The following ZBTB44 variants were observed in gnomAD, a reference collection of about 807,000 sequenced individuals.
The protein encoded by ZBTB44 is zinc finger and BTB domain containing 44.
Under a neutral mutation model 54.0 loss-of-function variants are expected in ZBTB44, and 15 were observed. The observed-to-expected ratio is 0.28, with a 90% CI of 0.19 to 0.43. The LOEUF (loss-of-function observed/expected upper bound fraction) is 0.43, where lower values mean the gene tolerates loss of function less well. ZBTB44 is among the 20% of genes least tolerant of loss of function. ZBTB44 has a pLI of 1.00. For synonymous variants in ZBTB44, 230 were observed against 250.1 expected, an observed-to-expected ratio of 0.92 and a Z score of 0.76; for missense variants, 487 against 707.1, an observed-to-expected ratio of 0.69 and a Z score of 3.53.
intron 4 of ZBTB44, among the ~76,000 whole-genome samples, chr11:130,237,579 T>C (rs1954160595): frequency 6.6e-6 from 1 of 152,234 alleles, no homozygotes; most frequent in South Asian, 2.1e-4. Flanking sequence ...AGAACCATCA[T>C]TTGATATAAT....
In ZBTB44 at chr11:130,236,871, G is replaced by A; in HGVS notation, c.1490C>T (p.Thr497Ile). 2.6e-6 allele frequency: 4 copies of A among 1,520,810 alleles called. No individual in the cohort carries two copies. Among genetic ancestry groups the A allele is most frequent in the Non-Finnish European group, 3.5e-6 (4 of 1,135,832 alleles). The allele number at this position is 1,520,810 out of a possible 1,614,324, so 94.2% of individuals were successfully genotyped here. A position where few individuals can be genotyped will look rare whatever the true frequency, so the allele number is the denominator to read the frequency against. The change falls in exon 5 of 8, where the codon ACC becomes ATC. Residue 497 changes from threonine to isoleucine, a missense_variant. Transcript: ENST00000357899. ...YECKTCGAMF[T>I]NSGNLIVHLR... ...GTGCACGATTAAATTTCCAGAGTTG[G>A]TGAACATGGCGCCACATGTTTTGCA...
intron 1 of ZBTB44, among the ~76,000 whole-genome samples, chr11:130,284,343 A>C (rs937675947): frequency 6.6e-6 from 1 of 152,222 alleles, no homozygotes; most frequent in South Asian, 2.1e-4. Context: ...ATAAAATTCA[A>C]GTAACTAATA....
intron 1 of ZBTB44, among the ~76,000 whole-genome samples, chr11:130,273,062 C>CAG (rs1345442420): frequency 6.6e-6 from 1 of 152,144 alleles, no homozygotes; most frequent in Admixed American, 6.5e-5. Context: ...ATTTCAGAAT[C>CAG]AGACTGTCAA....
rs191471392 is a variant in ZBTB44 at position 130,280,116 on chromosome 11, C to A, written c.-56-18187G>T. On this transcript the variant is annotated intron_variant, in intron 1 of 7. Coordinates refer to ENST00000357899, the MANE Select transcript of ZBTB44 (RefSeq NM_001301098.2). ...TCCCAGTATTCTCAGGGTGTCAAGC[C>A]CAAAGTACAGCCTTCATTTCATTAG... Among the ~76,000 whole-genome samples, 19 of 152,154 alleles carry A rather than the reference C, an allele frequency of 1.2e-4. No individual in the cohort carries two copies. In the East Asian group the frequency reaches 2.7e-3, roughly 22 times the overall value.
intron 5 of ZBTB44, among the ~76,000 whole-genome samples, chr11:130,235,777 G>A (rs941092392): frequency 1.3e-5 from 2 of 152,084 alleles, no homozygotes; most frequent in African/African-American, 2.4e-5. Context: ...TGAAGCAGGC[G>A]GATCACTTGA....
At chr11:130,296,135 T>C (rs1233307538) in intron 1 of ZBTB44, 4 of 1,493,166 alleles carry the variant, frequency 2.7e-6, no homozygotes, top group Admixed American at 1.7e-5. Flanking sequence ...ACTATGCTCT[T>C]TTCTGCCACC....
chr11:130,308,676 G>A lies in ZBTB44; in HGVS notation c.-57+5699C>T, dbSNP rs151120513. Among the ~76,000 whole-genome samples the A allele has an allele frequency of 7.7e-3, 1,175 of 152,282 alleles. 8 individuals carry two copies. The highest frequency in any genetic ancestry group is 0.018 in the African/African-American group (758 of 41,554). On this transcript the variant is annotated intron_variant, in intron 1 of 7. Coordinates refer to ENST00000357899, the MANE Select transcript of ZBTB44 (RefSeq NM_001301098.2). ...ACACAACAGGTTCTAGCTGCTACAT[G>A]GCTACACATACCCATGCAACTGTTT... is the stretch of plus-strand genomic sequence containing the variant.
intron 1 of ZBTB44, chr11:130,296,809 G>A: frequency 2.7e-6 from 2 of 751,614 alleles, no homozygotes; most frequent in Non-Finnish European, 5.0e-6. Flanking sequence ...TACATATGAG[G>A]TTATGATTCC....
chr11:130,298,260 A>C (rs1941777097), intron 1 of ZBTB44, among the ~76,000 whole-genome samples: 2 of 151,918 alleles, frequency 1.3e-5, no homozygotes, highest in South Asian at 4.1e-4. Flanking sequence ...CTCCCACCTT[A>C]GCTTCCTGAA....
chr11:130,235,661 T>C (rs574301616), intron 5 of ZBTB44, among the ~76,000 whole-genome samples: 1 of 151,726 alleles, frequency 6.6e-6, no homozygotes, highest in African/African-American at 2.4e-5. Context: ...CCCTATCTAT[T>C]CAATTAAAAA....
rs1398133602 is a variant in ZBTB44 at position 130,277,659 on chromosome 11, T to C, written c.-56-15730A>G. Among the ~76,000 whole-genome samples, 7 of 151,916 alleles carry C rather than the reference T, an allele frequency of 4.6e-5. No individual in the cohort carries two copies. In the East Asian group the frequency reaches 1.3e-3, roughly 29 times the overall value. On this transcript the variant is annotated intron_variant, in intron 1 of 7. Coordinates refer to ENST00000357899, the MANE Select transcript of ZBTB44 (RefSeq NM_001301098.2). ...AACTTATAACAAGAAAGGAGAAAAATGTTAATTTCTTTTTTTTAAAGTAAT... is the reference window on the plus strand; with the variant it reads ...AACTTATAACAAGAAAGGAGAAAAACGTTAATTTCTTTTTTTTAAAGTAAT...
chr11:130,239,726 T>C lies in ZBTB44; in HGVS notation c.1103+86A>G, dbSNP rs930369966. ...ATACTGAAGTGAGGTTGTAATAAAC[T>C]TCTACAACTCTTGAGATGAAATGCT... On this transcript the variant is annotated intron_variant, in intron 3 of 7. Transcript: ENST00000357899. The C allele has an allele frequency of 5.2e-5, 57 of 1,099,396 alleles. No homozygotes were observed. The African/African-American group carries it at 6.8e-4, about 13-fold the overall frequency. 68.1% of individuals were successfully genotyped at this position (1,099,396 alleles called of 1,614,324 possible).
rs1953760435 is a variant in ZBTB44, at chr11:130,228,411, T to G, written c.*3353A>C. ...ACAATTTAATGGACTACTCTCATTA[T>G]GAGAGACTTTACACAGCATCTGTCA... On this transcript the variant is annotated 3_prime_UTR_variant, in exon 8 of 8. Coordinates refer to ENST00000357899, the MANE Select transcript of ZBTB44 (RefSeq NM_001301098.2). 1 of 152,244 alleles carries G rather than the reference T, an allele frequency of 6.6e-6. No homozygotes were observed. The highest frequency in any genetic ancestry group is 1.5e-5 in the Non-Finnish European group (1 of 68,044). The allele number at this position is 152,244 out of a possible 1,614,324, so 9.4% of individuals were successfully genotyped here.
intron 1 of ZBTB44, among the ~76,000 whole-genome samples, chr11:130,302,043 C>A (rs535432057): frequency 2.2e-3 from 324 of 146,524 alleles, no homozygotes; most frequent in Non-Finnish European, 3.4e-3. Flanking sequence ...CAGAGGGAGA[C>A]CCTGTCTCAA....
At position 130,303,592 on chromosome 11, in the gene ZBTB44, G is replaced by C. The variant is rs142207101; in HGVS notation, c.-57+10783C>G. 9.0e-3 allele frequency among the ~76,000 whole-genome samples: 1,367 copies of C among 152,146 alleles called. 24 individuals are homozygous for C. Among genetic ancestry groups the C allele is most frequent in the African/African-American group, 0.03 (1,236 of 41,498 alleles). On this transcript the variant is annotated intron_variant, in intron 1 of 7. Coordinates refer to ENST00000357899, the MANE Select transcript of ZBTB44 (RefSeq NM_001301098.2). ...GGAGGTTGTGGTGAGCCAAGATGGC[G>C]CCATTGCACTCCGGCCTGGGCAACA...
chr11:130,260,979 C>A lies in ZBTB44; in HGVS notation c.895G>T (p.Val299Phe), dbSNP rs746273617. Residue 299 changes from valine (V) to phenylalanine (F), a missense_variant, in exon 2 of 8, where the codon GTC (valine) becomes TTC (phenylalanine). Around this residue, in one of 3 missense-constraint regions of ZBTB44, gnomAD observed 277 missense variants for 306.5 expected, o/e 0.90. Transcript: ENST00000357899. Reference sequence around the variant, plus strand: ...ACAGGCTGGGACACTTCCTCATGGACCTCCTCATCACTTAATCTTTCTACT... The same window carrying A: ...ACAGGCTGGGACACTTCCTCATGGAACTCCTCATCACTTAATCTTTCTACT... ...VKVERLSDEE[V>F]HEEVSQPVSA... 1.7e-5 allele frequency: 28 copies of A among 1,613,860 alleles called. No individual in the cohort carries two copies. The highest frequency in any genetic ancestry group is 2.3e-5 in the Non-Finnish European group (27 of 1,179,894).
At chr11:130,256,408 T>C (rs1365476859) in intron 2 of ZBTB44, among the ~76,000 whole-genome samples, 1 of 152,200 alleles carries the variant, frequency 6.6e-6, no homozygotes, top group African/African-American at 2.4e-5. Context: ...CTGGGCGTGG[T>C]GGCTCACGCC....
intron 2 of ZBTB44, among the ~76,000 whole-genome samples, chr11:130,255,651 T>C (rs1178849515): frequency 6.6e-6 from 1 of 151,954 alleles, no homozygotes; most frequent in Non-Finnish European, 1.5e-5. Context: ...GACAGACTGC[T>C]AACCAGATTA....
At position 130,252,893 on chromosome 11, in the gene ZBTB44, G is replaced by A. The variant is rs534417125; in HGVS notation, c.1018+7963C>T. On this transcript the variant is annotated intron_variant, in intron 2 of 7. Transcript: ENST00000357899. ...ATCAAGTGGGCTTCATCCCTGGGAT[G>A]CAAGGCTGGTTCAACATATGCAAAT... Among the ~76,000 whole-genome samples the A allele has an allele frequency of 3.3e-5, 5 of 152,322 alleles. No homozygotes were observed. The East Asian group carries it at 9.6e-4, about 29-fold the overall frequency.
Sources: gnomAD v4.1 joint callset for allele counts (sites outside exome capture counted in the v4.1 genomes callset) on GRCh38, gnomAD v4.1.1 for gene constraint, gnomAD v4.1.1 regional missense constraint, MANE v1.5 for transcripts, NCBI Gene and HGNC (gene_info 2026-07-23, HGNC 2026-07-21) for gene names.